HIBADH: variants seen among roughly 807,000 people sequenced by gnomAD.
The protein encoded by HIBADH is 3-hydroxyisobutyrate dehydrogenase, also known as 3-hydroxyisobutyrate dehydrogenase, mitochondrial.
HIBADH carries 25 observed loss-of-function variants against 36.1 expected under a neutral mutation model. That is an observed-to-expected ratio of 0.69 (90% CI 0.50 to 0.97). The LOEUF (loss-of-function observed/expected upper bound fraction) is 0.97, where lower values mean the gene tolerates loss of function less well. Among genes scored for constraint, HIBADH ranks in the 50% least tolerant of loss-of-function variants. The probability of loss-of-function intolerance (pLI) is 0.00; values close to 1 mark genes in which losing one functional copy is unlikely to be tolerated. For synonymous variants in HIBADH, 160 were observed against 149.5 expected, an observed-to-expected ratio of 1.07 and a Z score of -0.51; for missense variants, 421 against 418.0, an observed-to-expected ratio of 1.01 and a Z score of -0.06.
At chr7:27,538,157 A>AT (rs1311754687) in intron 6 of HIBADH, among the ~76,000 whole-genome samples, 184 bp downstream of exon 6, 15 of 152,346 alleles carry the variant, frequency 9.8e-5, no homozygotes, top group African/African-American at 3.6e-4. Context: ...AAGAGTATTC[A>AT]TGCTCTCCTG....
chr7:27,652,757 A>C (rs1336775300), intron 1 of HIBADH, among the ~76,000 whole-genome samples: 1 of 152,114 alleles, frequency 6.6e-6, no homozygotes, highest in African/African-American at 2.4e-5. Context: ...AACAGCACTA[A>C]TCCTATTCAC....
intron 4 of HIBADH, among the ~76,000 whole-genome samples, chr7:27,563,818 G>C (rs1784500939): frequency 6.6e-6 from 1 of 151,532 alleles, no homozygotes; most frequent in East Asian, 1.9e-4. Flanking sequence ...TGAACATGTA[G>C]TTTGCAACAT....
intron 2 of HIBADH, among the ~76,000 whole-genome samples, chr7:27,644,687 C>T (rs1583616958): frequency 6.6e-6 from 1 of 151,840 alleles, no homozygotes; most frequent in Admixed American, 6.6e-5. Context: ...ATCACTCGAA[C>T]CCAGGAGGTG....
Position 27,635,002 on chromosome 7 carries a change from T to C in HIBADH, c.253-2557A>G, listed in dbSNP as rs1235912072. 4.6e-5 allele frequency among the ~76,000 whole-genome samples: 7 copies of C among 152,252 alleles called. No homozygotes were observed. In the East Asian group the frequency reaches 9.7e-4, roughly 21 times the overall value. ...CGGAAGAAATACACAACAGTAGTGA[T>C]AGCTGGAATGTCACCACTGTACTGG... On this transcript the variant is annotated intron_variant, in intron 2 of 7. Coordinates refer to ENST00000265395, the MANE Select transcript of HIBADH (RefSeq NM_152740.4).
chr7:27,594,127 T>A (rs1385075533), intron 4 of HIBADH, among the ~76,000 whole-genome samples: 1 of 146,134 alleles, frequency 6.8e-6, no homozygotes, highest in Admixed American at 7.0e-5. Context: ...TTTAGGTTGT[T>A]ACATAAAGAT....
chr7:27,610,307 C>T (rs1785301957), intron 4 of HIBADH, among the ~76,000 whole-genome samples: 1 of 151,964 alleles, frequency 6.6e-6, no homozygotes, highest in Non-Finnish European at 1.5e-5. Context: ...TATGCAAATA[C>T]CCATAAAACC....
At chr7:27,570,074 G>C (rs1244176358) in intron 4 of HIBADH, among the ~76,000 whole-genome samples, 1 of 152,128 alleles carries the variant, frequency 6.6e-6, no homozygotes, top group Non-Finnish European at 1.5e-5. Context: ...ATTCAGACTG[G>C]GAGATACAAA....
chr7:27,582,427 A>G (rs1167949349), intron 4 of HIBADH, among the ~76,000 whole-genome samples: 2 of 152,136 alleles, frequency 1.3e-5, no homozygotes, highest in Non-Finnish European at 2.9e-5. Context: ...ATAATTCTAA[A>G]ACAAAACTCA....
At chr7:27,566,367 T>A (rs1385478195) in intron 4 of HIBADH, among the ~76,000 whole-genome samples, 1 of 151,774 alleles carries the variant, frequency 6.6e-6, no homozygotes, top group South Asian at 2.1e-4. Context: ...TAGTAGTTTG[T>A]GGCTCTCAAA....
At chr7:27,587,223 A>C (rs966861914) in intron 4 of HIBADH, among the ~76,000 whole-genome samples, 3 of 152,200 alleles carry the variant, frequency 2.0e-5, no homozygotes, top group Non-Finnish European at 4.4e-5. Context: ...AAAGATGAAC[A>C]GCCAAAGTCC....
At chr7:27,550,710 T>A (rs548963371) in intron 4 of HIBADH, among the ~76,000 whole-genome samples, 1 of 152,298 alleles carries the variant, frequency 6.6e-6, no homozygotes, top group East Asian at 1.9e-4. Flanking sequence ...CTTACACTAC[T>A]CTAATCAATG....
intron 6 of HIBADH, among the ~76,000 whole-genome samples, chr7:27,535,500 A>C (rs1784059454): frequency 6.6e-6 from 1 of 152,210 alleles, no homozygotes; most frequent in African/African-American, 2.4e-5. Flanking sequence ...TGGCAATGCA[A>C]GTAACTTGTT....
intron 4 of HIBADH, among the ~76,000 whole-genome samples, chr7:27,617,436 T>C (rs902552001): frequency 6.6e-6 from 1 of 152,194 alleles, no homozygotes; most frequent in African/African-American, 2.4e-5. Flanking sequence ...TAACAACTTA[T>C]ATTAAATTTT....
chr7:27,541,754 C>A (rs1365242903), intron 5 of HIBADH: 1 of 432,684 alleles, frequency 2.3e-6, no homozygotes, highest in Non-Finnish European at 4.6e-6. Context: ...TATGGTATTG[C>A]ACTAAACATG....
chr7:27,651,667 A>T (rs922979904), intron 1 of HIBADH, among the ~76,000 whole-genome samples: 1 of 152,248 alleles, frequency 6.6e-6, no homozygotes, highest in African/African-American at 2.4e-5. Context: ...AACAATTCAT[A>T]AGTATGGTCA....
Position 27,660,626 on chromosome 7 carries a change from A to C in HIBADH, c.91+2072T>G, listed in dbSNP as rs942623891. Among the ~76,000 whole-genome samples, 4 of 152,136 alleles carry C rather than the reference A, an allele frequency of 2.6e-5. No homozygotes were observed. In the East Asian group the frequency reaches 5.8e-4, roughly 22 times the overall value. On this transcript the variant is annotated intron_variant, in intron 1 of 7. Transcript: ENST00000265395. ...CTTGCAGTGAGCTGAGATTGCGCCA[A>C]TGCACTCTAGCCTGGGCGACAGACA... is the stretch of plus-strand genomic sequence containing the variant.
chr7:27,615,492 A>G (rs1235418752), intron 4 of HIBADH, among the ~76,000 whole-genome samples: 1 of 152,224 alleles, frequency 6.6e-6, no homozygotes, highest in Non-Finnish European at 1.5e-5. Context: ...TACTACCGCC[A>G]TGCACTGCAT....
chr7:27,623,533 GATAA>G (rs1177849669), intron 4 of HIBADH, among the ~76,000 whole-genome samples: 1 of 152,220 alleles, frequency 6.6e-6, no homozygotes, highest in East Asian at 1.9e-4. Flanking sequence ...TCTTAGATTT[GATAA>G]ATAAATTCAG....
intron 2 of HIBADH, among the ~76,000 whole-genome samples, chr7:27,645,382 T>TTTTTTTTTTTTTTG (rs1786049035): frequency 7.7e-6 from 1 of 129,080 alleles, no homozygotes; most frequent in Admixed American, 7.8e-5. Context: ...TTTTTTTTTT[T>TTTTTTTTTTTTTTG]TTTTTTTTTT....
Sources: gnomAD v4.1 joint callset for allele counts (sites outside exome capture counted in the v4.1 genomes callset) on GRCh38, gnomAD v4.1.1 for gene constraint, MANE v1.5 for transcripts, NCBI Gene and HGNC (gene_info 2026-07-23, HGNC 2026-07-21) for gene names.